Variants in RBPJL observed in about 807,000 individuals in gnomAD.
RBPJL encodes recombining binding protein suppressor of hairless-like protein.
RBPJL carries 50 observed loss-of-function variants against 57.6 expected under a neutral mutation model. The ratio of observed to expected loss-of-function variants is 0.87; its 90% CI spans 0.69 to 1.10. The LOEUF (loss-of-function observed/expected upper bound fraction) is 1.10. Ranked by LOEUF, RBPJL falls within the 50% of genes least tolerant of loss-of-function variation. RBPJL has a pLI of 0.00. For missense variants in RBPJL, 684 were observed against 693.7 expected (o/e 0.99, Z 0.16); for synonymous variants, 303 against 294.4 (o/e 1.03, Z -0.30).
chr20:45,317,255 C>G lies in RBPJL; in HGVS notation c.*296C>G, dbSNP rs186143687. On this transcript the variant is annotated 3_prime_UTR_variant, in exon 12 of 12. Transcript: ENST00000343694. Reference sequence around the variant, plus strand: ...AAACCTCTCTCTCTCTCCCTTCCCCCTCAGTACTTAGTCTACAGACCTATG... The same window carrying G: ...AAACCTCTCTCTCTCTCCCTTCCCCGTCAGTACTTAGTCTACAGACCTATG... 8 of 504,156 alleles carry G rather than the reference C, an allele frequency of 1.6e-5. No homozygotes were observed. The Admixed American group carries it at 2.6e-4, about 16-fold the overall frequency. 31.2% of individuals were successfully genotyped at this position (504,156 alleles called of 1,614,324 possible). A position where few individuals can be genotyped will look rare whatever the true frequency, so the allele number is the denominator to read the frequency against.
chr20:45,309,876 CAGG>C (rs1271554751), intron 3 of RBPJL, among the ~76,000 whole-genome samples, 184 bp downstream of exon 3: 1 of 152,216 alleles, frequency 6.6e-6, no homozygotes, highest in Non-Finnish European at 1.5e-5. Context: ...AGTTCTACAG[CAGG>C]AGATTCCCTG....
At position 45,314,030 on chromosome 20, in the gene RBPJL, C is replaced by A. The variant is rs1311149564; in HGVS notation, c.758-5C>A. The A allele has an allele frequency of 1.9e-6, 3 of 1,609,112 alleles. No homozygotes were observed. Among genetic ancestry groups the A allele is most frequent in the Non-Finnish European group, 2.5e-6 (3 of 1,176,536 alleles). On this transcript the variant is annotated splice_region_variant and splice_polypyrimidine_tract_variant and intron_variant, in intron 7 of 11. Transcript: ENST00000343694. ...ACCTTGTCCCTTGCTTTTTTTGTCC[C>A]CCAGCTGATGGGCACTCTGCCCAAG...
chr20:45,314,710 G>A, intron 9 of RBPJL, 145 bp downstream of exon 9: 3 of 701,982 alleles, frequency 4.3e-6, no homozygotes, highest in Non-Finnish European at 7.1e-6. Flanking sequence ...TCCCAGGACA[G>A]AATCATAGGA....
rs1987510706 is a variant in RBPJL at position 45,316,964 on chromosome 20, G to T, written c.*5G>T. ...CACCTCTTCATCCAGACTTAGGCGC[G>T]CCCGGTAGCCCCGGCTGCCCACCCT... On this transcript the variant is annotated 3_prime_UTR_variant, in exon 12 of 12. Transcript: ENST00000343694. 2 of 1,606,524 alleles carry T rather than the reference G, an allele frequency of 1.2e-6. No homozygotes were observed. Among genetic ancestry groups the T allele is most frequent in the East Asian group, 2.2e-5 (1 of 44,662 alleles).
chr20:45,316,040 T>C (rs954415748), intron 9 of RBPJL, 147 bp from the exon 10 acceptor site: 5 of 627,530 alleles, frequency 8.0e-6, no homozygotes, highest in African/African-American at 1.8e-5. Context: ...TTAAGGGCAC[T>C]GTCCAAGCTG....
chr20:45,316,378 C>T (rs1165715728), intron 10 of RBPJL, 36 bp downstream of exon 10: 2 of 1,610,930 alleles, frequency 1.2e-6, no homozygotes, highest in Non-Finnish European at 1.7e-6. Flanking sequence ...GGCAGGGGGA[C>T]CCTGCCTGCA....
intron 3 of RBPJL, among the ~76,000 whole-genome samples, chr20:45,311,244 A>G (rs1987151027): frequency 6.6e-6 from 1 of 152,146 alleles, no homozygotes; most frequent in East Asian, 1.9e-4. Context: ...TGGGAAGGAG[A>G]TAGAAACAGA....
chr20:45,314,293 G>A (rs1987346413), intron 8 of RBPJL, 120 bp from the exon 9 acceptor site: 1 of 1,319,226 alleles, frequency 7.6e-7, no homozygotes, highest in Non-Finnish European at 1.1e-6. Context: ...GAAGTCAAAG[G>A]GCAGGGGGAA....
intron 4 of RBPJL, 88 bp from the exon 5 acceptor site, chr20:45,311,751 C>A: frequency 6.4e-7 from 1 of 1,551,062 alleles, no homozygotes; most frequent in East Asian, 2.3e-5. Context: ...GGCGCAGTCT[C>A]CCCGCGCCCT....
Position 45,311,835 on chromosome 20 carries a change from C to G in RBPJL, c.329-4C>G, listed in dbSNP as rs1293942013. On this transcript the variant is annotated splice_polypyrimidine_tract_variant and splice_region_variant and intron_variant, in intron 4 of 11. Coordinates refer to ENST00000343694, the MANE Select transcript of RBPJL (RefSeq NM_014276.4). ...TTGCAGAGCCAGTTCGCGTCCCTTT[C>G]CAGCTCACCAGGCGGGGGAAACGGG... The G allele has an allele frequency of 1.3e-6, 2 of 1,550,824 alleles. No homozygotes were observed. The highest frequency in any genetic ancestry group is 1.7e-6 in the Non-Finnish European group (2 of 1,146,130).
intron 1 of RBPJL, among the ~76,000 whole-genome samples, chr20:45,307,570 C>T (rs2903781): frequency 0.26 from 39,385 of 152,114 alleles, 6,288 homozygotes; most frequent in East Asian, 0.73. Context: ...CTTTCCTACC[C>T]GGAGATGCCT....
rs1167875552 is a variant in RBPJL at position 45,309,711 on chromosome 20, C to T, written c.257+19C>T. On this transcript the variant is annotated intron_variant, in intron 3 of 11. Coordinates refer to ENST00000343694, the MANE Select transcript of RBPJL (RefSeq NM_014276.4). ...AGAAGCGGTAGGTGCCTCCGCAGCCCCTCCCAGGTCTCTGCAACTGTCAGC... is the reference window on the plus strand; with the variant it reads ...AGAAGCGGTAGGTGCCTCCGCAGCCTCTCCCAGGTCTCTGCAACTGTCAGC... 6.2e-6 allele frequency: 10 copies of T among 1,612,670 alleles called. No individual in the cohort carries two copies. The highest frequency in any genetic ancestry group is 1.3e-5 in the African/African-American group (1 of 74,862).
At chr20:45,315,672 C>T (rs1404452378) in intron 9 of RBPJL, among the ~76,000 whole-genome samples, 1 of 148,274 alleles carries the variant, frequency 6.7e-6, no homozygotes, top group Admixed American at 6.8e-5. Flanking sequence ...ACCCGGGAGG[C>T]GGAGGTTGCA....
rs1311006085 is a variant in RBPJL, at chr20:45,313,338, C to A, written c.620-130C>A. On this transcript the variant is annotated intron_variant, in intron 6 of 11. Coordinates refer to ENST00000343694, the MANE Select transcript of RBPJL (RefSeq NM_014276.4). ...ACCCTCACCCTCACTCTAACCCTCA[C>A]CCTAATCCTAACCCTCACCCTCACC... is the stretch of plus-strand genomic sequence containing the variant. 6.0e-6 allele frequency: 4 copies of A among 661,928 alleles called. No individual in the cohort carries two copies. The East Asian group carries it at 8.6e-5, about 14-fold the overall frequency. 41.0% of individuals were successfully genotyped at this position (661,928 alleles called of 1,614,324 possible). A position where few individuals can be genotyped will look rare whatever the true frequency, so the allele number is the denominator to read the frequency against.
intron 5 of RBPJL, 132 bp from the exon 6 acceptor site, chr20:45,312,089 C>A: frequency 6.7e-7 from 1 of 1,492,180 alleles, no homozygotes. Context: ...GCCTTAAGGC[C>A]GAGCCTGAGA....
chr20:45,314,081 C>T lies in RBPJL; in HGVS notation c.804C>T (p.Tyr268=), dbSNP rs752195261. Residue 268 remains tyrosine (Y), a synonymous_variant, in exon 8 of 12, where the codon TAC becomes TAT. Coordinates refer to ENST00000343694, the MANE Select transcript of RBPJL (RefSeq NM_014276.4). ...GAGACTTCCCACCGCGAGAGGGCTA[C>T]GTTCGCTATGGCTCCCTGGTGCAGC... The part of the protein sequence containing the change: ...AQGDFPPREG[Y]VRYGSLVQLV... The T allele has an allele frequency of 1.3e-5, 21 of 1,614,246 alleles. No homozygotes were observed. Among genetic ancestry groups the T allele is most frequent in the East Asian group, 2.2e-5 (1 of 44,888 alleles).
In RBPJL at chr20:45,316,720, G is replaced by A. The variant is rs1272336524; in HGVS notation, c.1315G>A (p.Val439Met). 6.2e-7 allele frequency: 1 copy of A among 1,611,836 alleles called. No homozygotes were observed. Among genetic ancestry groups the A allele is most frequent in the Non-Finnish European group, 8.5e-7 (1 of 1,179,066 alleles). ...GTCCCTGGTGTGCGTGGTGCCGGACGTGGCGGCCTTCTGCAGCGACTGGCG... is the reference window on the plus strand; with the variant it reads ...GTCCCTGGTGTGCGTGGTGCCGGACATGGCGGCCTTCTGCAGCGACTGGCG... ...PRSLVCVVPD[V>M]AAFCSDWRWL... Residue 439 changes from valine (V) to methionine (M), a missense_variant, in exon 12 of 12, where the codon GTG becomes ATG. Coordinates refer to ENST00000343694, the MANE Select transcript of RBPJL (RefSeq NM_014276.4).
chr20:45,312,097 A>G, intron 5 of RBPJL, 124 bp from the exon 6 acceptor site: 1 of 1,508,280 alleles, frequency 6.6e-7, no homozygotes, highest in Non-Finnish European at 9.1e-7. Context: ...GCCGAGCCTG[A>G]GAGCCTGGAT....
chr20:45,311,684 G>A (rs1987176300), intron 4 of RBPJL, 25 bp downstream of exon 4: 5 of 1,612,686 alleles, frequency 3.1e-6, no homozygotes, highest in East Asian at 4.5e-5. Context: ...AAGGGCTGCC[G>A]GCCGCCTGCT....
Sources: gnomAD v4.1 joint callset for allele counts (sites outside exome capture counted in the v4.1 genomes callset) on GRCh38, gnomAD v4.1.1 for gene constraint, MANE v1.5 for transcripts, NCBI Gene and HGNC (gene_info 2026-07-23, HGNC 2026-07-21) for gene names.